Variants in PAK1 observed in about 807,000 individuals in gnomAD.
PAK1 encodes serine/threonine-protein kinase PAK 1.
In PAK1, 29 loss-of-function variants were observed where a neutral mutation model predicts 67.4. The ratio of observed to expected loss-of-function variants is 0.43; its 90% CI spans 0.32 to 0.59. The LOEUF is 0.59. PAK1 is among the 20% of genes least tolerant of loss of function. The pLI is 0.07. For missense variants in PAK1, 337 were observed against 670.7 expected (o/e 0.50, Z 5.50); for synonymous variants, 223 against 237.4 (o/e 0.94, Z 0.56).
upstream of PAK1, among the ~76,000 whole-genome samples, chr11:77,478,062 A>G (rs1400387892): frequency 1.3e-5 from 2 of 152,226 alleles, no homozygotes; most frequent in African/African-American, 2.4e-5. Flanking sequence ...TCCAGGGTGC[A>G]CTCACATGCA....
At chr11:77,428,586 A>C (rs1224723912) in intron 1 of PAK1, among the ~76,000 whole-genome samples, 1 of 151,376 alleles carries the variant, frequency 6.6e-6, no homozygotes, top group Non-Finnish European at 1.5e-5. Context: ...AAAAAAAAAA[A>C]AGTCTAGTTA....
Position 77,392,508 on chromosome 11 carries a change from C to T in PAK1, c.13G>A (p.Gly5Ser), listed in dbSNP as rs1214886996. Residue 5 changes from glycine (G) to serine (S), a missense_variant, in exon 2 of 15, where the codon GGC (glycine) becomes AGC (serine). Transcript: ENST00000356341. ...GGGGGTTTGTCTTGAATGTCTAGGC[C>T]GTTATTTGACATTGTCACCACCAGC... MSNN[G>S]LDIQDKPPAP... 2.5e-6 allele frequency: 4 copies of T among 1,598,518 alleles called. No individual in the cohort carries two copies. Among genetic ancestry groups the T allele is most frequent in the Admixed American group, 1.7e-5 (1 of 58,682 alleles).
chr11:77,334,966 A>G (rs1166513465), intron 13 of PAK1, among the ~76,000 whole-genome samples: 2 of 152,284 alleles, frequency 1.3e-5, no homozygotes, highest in East Asian at 1.9e-4. Flanking sequence ...GGCAAATCCA[A>G]TGTTCATTTC....
chr11:77,418,064 T>C (rs1955066231), intron 1 of PAK1, among the ~76,000 whole-genome samples: 1 of 151,628 alleles, frequency 6.6e-6, no homozygotes, highest in African/African-American at 2.4e-5. Context: ...ACAATTCTTC[T>C]ATAAACCTAA....
intron 1 of PAK1, among the ~76,000 whole-genome samples, chr11:77,416,362 G>C (rs1294286384): frequency 6.6e-6 from 1 of 152,102 alleles, no homozygotes; most frequent in Non-Finnish European, 1.5e-5. Context: ...ACAAGGTCAG[G>C]ACTGTCAACA....
chr11:77,471,610 G>A (rs766787723), intron 1 of PAK1, among the ~76,000 whole-genome samples: 15 of 152,206 alleles, frequency 9.9e-5, no homozygotes, highest in Admixed American at 9.2e-4. Flanking sequence ...AGATGAGAGT[G>A]GCAGGGGAGC....
At chr11:77,405,023 T>C (rs1953275728) in intron 1 of PAK1, among the ~76,000 whole-genome samples, 1 of 152,196 alleles carries the variant, frequency 6.6e-6, no homozygotes, top group Non-Finnish European at 1.5e-5. Context: ...TAAAAGAAGA[T>C]AATCAAGACA....
chr11:77,388,876 T>A (rs143481849), intron 2 of PAK1, among the ~76,000 whole-genome samples: 1 of 152,354 alleles, frequency 6.6e-6, no homozygotes, highest in Non-Finnish European at 1.5e-5. Context: ...TCTGCTTCCA[T>A]CTGCTGTTTC....
chr11:77,357,011 G>A (rs970089424), intron 6 of PAK1, among the ~76,000 whole-genome samples: 7 of 152,130 alleles, frequency 4.6e-5, no homozygotes, highest in East Asian at 1.9e-4. Context: ...TCATTCATCC[G>A]TGAGTTCCTC....
Position 77,418,503 on chromosome 11 carries a change from C to CA in PAK1, c.-21-25963dup, listed in dbSNP as rs528084121. Among the ~76,000 whole-genome samples, 428 of 152,336 alleles carry CA rather than the reference C, an allele frequency of 2.8e-3. 3 individuals carry two copies. Among genetic ancestry groups the CA allele is most frequent in the African/African-American group, 9.8e-3 (409 of 41,576 alleles). On this transcript the variant is annotated intron_variant, in intron 1 of 14. Transcript: ENST00000356341. ...TATCCACTGCAATGCCTTTGGCTGA[C>CA]ATTGAGCTTCAGCAGCCAAAACCAC... is the stretch of plus-strand genomic sequence containing the variant.
chr11:77,438,772 T>G (rs752276821), intron 1 of PAK1, among the ~76,000 whole-genome samples: 4 of 152,234 alleles, frequency 2.6e-5, no homozygotes, highest in Non-Finnish European at 4.4e-5. Flanking sequence ...GCAGATGGCT[T>G]TACCTCTCTG....
chr11:77,507,514 A>G, the PAK1 span, among the ~76,000 whole-genome samples: 1 of 151,964 alleles, frequency 6.6e-6, no homozygotes, highest in Admixed American at 6.6e-5. Context: ...CTAATTTCAA[A>G]TCCAATATAC....
chr11:77,345,082 C>G (rs934294116), intron 9 of PAK1, among the ~76,000 whole-genome samples: 43 of 152,290 alleles, frequency 2.8e-4, no homozygotes, highest in African/African-American at 1.0e-3. Context: ...ACCCAATATG[C>G]CTTTTCCCTT....
the PAK1 span, among the ~76,000 whole-genome samples, chr11:77,513,294 G>A: frequency 3.3e-5 from 5 of 152,104 alleles, no homozygotes; most frequent in Admixed American, 3.3e-4. Context: ...GTTTGGATGA[G>A]GAAGTATACA....
intron 6 of PAK1, 74 bp downstream of exon 6, chr11:77,358,824 T>C (rs1467630700): frequency 1.4e-6 from 2 of 1,459,646 alleles, no homozygotes; most frequent in Non-Finnish European, 9.5e-7. Context: ...AACTTCTAGG[T>C]ATCAGCACCA....
chr11:77,405,713 A>ACACACACC (rs1953446204), intron 1 of PAK1, among the ~76,000 whole-genome samples: 1 of 134,764 alleles, frequency 7.4e-6, no homozygotes, highest in East Asian at 2.1e-4. Flanking sequence ...ACACACACAC[A>ACACACACC]CCCTTCCCTT....
At position 77,349,305 on chromosome 11, in the gene PAK1, G is replaced by A. The variant is rs537489376; in HGVS notation, c.837-18C>T. ...CTGAAGCACTGAACAGTAAGGTGGC[G>A]GAGAAAGAGGGAAAAAAACACAGTG... On this transcript the variant is annotated intron_variant, in intron 8 of 14. Transcript: ENST00000356341. 1.3e-4 allele frequency: 202 copies of A among 1,584,638 alleles called. No individual in the cohort carries two copies. The highest frequency in any genetic ancestry group is 3.3e-4 in the Middle Eastern group (2 of 6,034).
chr11:77,349,132 A>AT, intron 9 of PAK1, 107 bp downstream of exon 9: 1 of 821,168 alleles, frequency 1.2e-6, no homozygotes, highest in Middle Eastern at 2.4e-4. Flanking sequence ...CCCAAAAAAA[A>AT]AAAAAAAAAC....
At chr11:77,471,354 A>C (rs1592599725) in intron 1 of PAK1, among the ~76,000 whole-genome samples, 2 of 152,330 alleles carry the variant, frequency 1.3e-5, no homozygotes, top group East Asian at 3.9e-4. Flanking sequence ...AGGGCTTATT[A>C]AAGAAAAGAA....
Sources: allele counts gnomAD v4.1 joint callset (sites outside exome capture counted in the v4.1 genomes callset), GRCh38; gene constraint gnomAD v4.1.1; transcripts MANE v1.5; gene names NCBI Gene and HGNC (gene_info 2026-07-23, HGNC 2026-07-21).